The following SARDH variants were observed in gnomAD, a reference collection of about 807,000 sequenced individuals.
SARDH encodes sarcosine dehydrogenase, mitochondrial.
In SARDH, 95 loss-of-function variants were observed where a neutral mutation model predicts 109.1. That is an observed-to-expected ratio of 0.87 (90% confidence interval 0.74 to 1.03). The LOEUF (loss-of-function observed/expected upper bound fraction) is 1.03. Among genes scored for constraint, SARDH ranks in the 50% least tolerant of loss-of-function variants. The pLI, the probability that SARDH is intolerant of heterozygous loss-of-function variation, is 0.00. For missense variants in SARDH, 1,267 were observed against 1,287.8 expected, an observed-to-expected ratio of 0.98 and a Z score of 0.25; for synonymous variants, 572 against 534.8, an observed-to-expected ratio of 1.07 and a Z score of -0.96.
Position 133,718,787 on chromosome 9 carries a change from T to C in SARDH, c.1020+151A>G, listed in dbSNP as rs762568925. On this transcript the variant is annotated intron_variant, in intron 7 of 20. Coordinates refer to ENST00000439388, the MANE Select transcript of SARDH (RefSeq NM_001134707.2). The surrounding 1 kb of genome is among the most constrained non-coding windows in gnomAD (Gnocchi z 4.2). ...CAGGACCGTCAGGGTAAGAGCAAGA[T>C]GGCTTTGAGCTTGGTGGGGTCAGGG... 1.3e-6 allele frequency: 1 copy of C among 791,504 alleles called. No individual in the cohort carries two copies. Among genetic ancestry groups the C allele is most frequent in the Non-Finnish European group, 2.3e-6 (1 of 429,578 alleles). The allele number at this position is 791,504 out of a possible 1,614,324, so 49.0% of individuals were successfully genotyped here.
rs1830063700 is a variant in SARDH at position 133,666,387 on chromosome 9, AGT to A, written c.2631+346_2631+347del. Among the ~76,000 whole-genome samples the A allele has an allele frequency of 6.6e-6, 1 of 152,138 alleles. No individual in the cohort carries two copies. The highest frequency in any genetic ancestry group is 2.4e-5 in the African/African-American group (1 of 41,438). ...ACCAAAAAAAGCCTGGAATCACCAA[AGT>A]CGGATTCTTCCAGAAAGAAAACAGA... On this transcript the variant is annotated intron_variant, in intron 20 of 20. Transcript: ENST00000439388. The surrounding 1 kb of genome is among the most constrained non-coding windows in gnomAD (Gnocchi z 5.2).
rs186296382 is a variant in SARDH, at chr9:133,686,551, G to A, written c.2070-1265C>T. Among the ~76,000 whole-genome samples, 21 of 151,002 alleles carry A rather than the reference G, an allele frequency of 1.4e-4. No individual in the cohort carries two copies. In the South Asian group the frequency reaches 1.5e-3, roughly 11 times the overall value. ...CAATGCATCCACCCCCAGGAGCTCC[G>A]TGCCAACAGCATCCCCCTATCCCAA... is the stretch of plus-strand genomic sequence containing the variant. On this transcript the variant is annotated intron_variant, in intron 16 of 20. Transcript: ENST00000439388. This position sits in a 1 kb window ranked among gnomAD's most constrained non-coding sequence, Gnocchi z 4.0.
At chr9:133,680,546 G>T (rs527372991) in intron 17 of SARDH, among the ~76,000 whole-genome samples, 20 of 152,338 alleles carry the variant, frequency 1.3e-4, no homozygotes, top group African/African-American at 4.6e-4. Context: ...GACACTAAGG[G>T]CCCAGAACCT....
intron 6 of SARDH, among the ~76,000 whole-genome samples, chr9:133,725,195 T>C (rs972920350): frequency 6.6e-6 from 1 of 152,138 alleles, no homozygotes; most frequent in Non-Finnish European, 1.5e-5. Context: ...TGGGATTGCC[T>C]AAGTCTGGGG....
At chr9:133,734,463 A>T (rs1832814235) in intron 1 of SARDH, among the ~76,000 whole-genome samples, 1 of 149,462 alleles carries the variant, frequency 6.7e-6, no homozygotes, top group Non-Finnish European at 1.5e-5. Flanking sequence ...TCATTCACTC[A>T]TTCATTCATT....
At chr9:133,673,160 A>C (rs557723484) in intron 17 of SARDH, among the ~76,000 whole-genome samples, 1 of 152,284 alleles carries the variant, frequency 6.6e-6, no homozygotes, top group African/African-American at 2.4e-5. Context: ...ACAGGCTAGC[A>C]CTCGGCTGCG....
intron 13 of SARDH, among the ~76,000 whole-genome samples, chr9:133,700,003 G>A (rs1168883967): frequency 6.6e-6 from 1 of 152,136 alleles, no homozygotes; most frequent in Non-Finnish European, 1.5e-5. Flanking sequence ...AATATGATGG[G>A]TCCATACAAT....
At chr9:133,727,307 G>A (rs1832525751) in intron 6 of SARDH, among the ~76,000 whole-genome samples, 1 of 152,206 alleles carries the variant, frequency 6.6e-6, no homozygotes. Flanking sequence ...AACCACACGT[G>A]AGACCTGAGC....
chr9:133,698,967 G>A (rs1231134810), intron 13 of SARDH, among the ~76,000 whole-genome samples: 1 of 152,194 alleles, frequency 6.6e-6, no homozygotes, highest in Non-Finnish European at 1.5e-5. Context: ...GAAGAGAGAT[G>A]ACAACCACAG....
At chr9:133,714,392 G>A (rs2131454502) in intron 8 of SARDH, among the ~76,000 whole-genome samples, 1 of 152,336 alleles carries the variant, frequency 6.6e-6, no homozygotes, top group Middle Eastern at 3.4e-3. Context: ...CCTACGTGGA[G>A]GGCCTGGGTT....
chr9:133,713,180 G>A (rs781375051), intron 8 of SARDH, 56 bp from the exon 9 acceptor site: 91 of 1,474,250 alleles, frequency 6.2e-5, no homozygotes, highest in African/African-American at 8.3e-5. Context: ...TACTCTTGGG[G>A]TGAGGTCTTC....
chr9:133,706,857 C>T (rs981937614), intron 11 of SARDH, among the ~76,000 whole-genome samples: 2 of 152,118 alleles, frequency 1.3e-5, no homozygotes. Context: ...CTTGCCCTCC[C>T]CTCCACCCCC....
chr9:133,711,542 G>A (rs1298210374), intron 10 of SARDH, among the ~76,000 whole-genome samples: 7 of 152,344 alleles, frequency 4.6e-5, no homozygotes, highest in African/African-American at 1.7e-4. Flanking sequence ...GCTTCACTGT[G>A]TCGGGTGCCA....
At chr9:133,732,388 G>GCCC (rs1564301164) in intron 3 of SARDH, 35 bp downstream of exon 3, 1 of 311,568 alleles carries the variant, frequency 3.2e-6, no homozygotes, top group East Asian at 1.0e-4. Flanking sequence ...ACCCACCCAA[G>GCCC]CCCCCCTCCT....
At chr9:133,716,300 C>T (rs1832120423) in intron 8 of SARDH, among the ~76,000 whole-genome samples, 1 of 152,246 alleles carries the variant, frequency 6.6e-6, no homozygotes, top group African/African-American at 2.4e-5. Flanking sequence ...CCACCACCGA[C>T]GAAGTGCCAC....
chr9:133,674,806 T>G (rs1025702826), intron 17 of SARDH, among the ~76,000 whole-genome samples: 39 of 151,362 alleles, frequency 2.6e-4, no homozygotes, highest in African/African-American at 9.0e-4. Context: ...GCATGGGGAG[T>G]TGGAAATGGC....
Position 133,728,493 on chromosome 9 carries a change from A to C in SARDH, c.915+1272T>G, listed in dbSNP as rs187867391. 1.3e-5 allele frequency among the ~76,000 whole-genome samples: 2 copies of C among 152,230 alleles called. No individual in the cohort carries two copies. Among genetic ancestry groups the C allele is most frequent in the African/African-American group, 4.8e-5 (2 of 41,532 alleles). ...CTCTCTGAACGGCCATGCTCTGTGC[A>C]CGCTCCTTGTCCACCATGCCACCCT... On this transcript the variant is annotated intron_variant, in intron 6 of 20. Coordinates refer to ENST00000439388, the MANE Select transcript of SARDH (RefSeq NM_001134707.2). The surrounding 1 kb of genome is among the most constrained non-coding windows in gnomAD (Gnocchi z 5.0).
Position 133,676,113 on chromosome 9 carries a change from C to A in SARDH, c.2164-4416G>T, listed in dbSNP as rs530012854. ...CTGAAATTAAAAAAAAAAACACACA[C>A]CAAAAACAGATGATGAACAGACAAA... On this transcript the variant is annotated intron_variant, in intron 17 of 20. Coordinates refer to ENST00000439388, the MANE Select transcript of SARDH (RefSeq NM_001134707.2). 3.1e-4 allele frequency among the ~76,000 whole-genome samples: 47 copies of A among 151,564 alleles called. No homozygotes were observed. In the South Asian group the frequency reaches 7.1e-3, roughly 23 times the overall value.
chr9:133,710,580 G>C (rs776925458), intron 10 of SARDH, among the ~76,000 whole-genome samples: 1 of 152,212 alleles, frequency 6.6e-6, no homozygotes, highest in Non-Finnish European at 1.5e-5. Context: ...TCTCTGAGCA[G>C]GGGAGAGCTC....
Sources: allele counts gnomAD v4.1 joint callset (sites outside exome capture counted in the v4.1 genomes callset), GRCh38; gene constraint gnomAD v4.1.1; non-coding constraint Gnocchi (gnomAD v3.1); transcripts MANE v1.5; gene names NCBI Gene and HGNC (gene_info 2026-07-23, HGNC 2026-07-21).